ODAD2: variants seen among roughly 807,000 people sequenced by gnomAD.
ODAD2 encodes the protein outer dynein arm-docking complex subunit 2.
Under a neutral mutation model 106.8 loss-of-function variants are expected in ODAD2, and 89 were observed. The observed-to-expected ratio is 0.83, with a 90% CI of 0.70 to 0.99. The LOEUF is 0.99. Ranked by LOEUF, ODAD2 falls within the 50% of genes least tolerant of loss-of-function variation. The pLI is 0.00. For missense variants in ODAD2, 1,168 were observed against 1,238.5 expected (o/e 0.94, Z 0.85); for synonymous variants, 404 against 436.2 (o/e 0.93, Z 0.92).
At chr10:27,921,974 G>A (rs182734510) in intron 16 of ODAD2, among the ~76,000 whole-genome samples, 40 of 151,280 alleles carry the variant, frequency 2.6e-4, no homozygotes, top group Non-Finnish European at 4.1e-4. Flanking sequence ...CGAGACCCAC[G>A]TGGGCAACAT....
intron 19 of ODAD2, among the ~76,000 whole-genome samples, chr10:27,835,481 T>C (rs1003792768): frequency 3.3e-5 from 5 of 152,170 alleles, no homozygotes; most frequent in Non-Finnish European, 7.3e-5. Flanking sequence ...TCTCTCTCTG[T>C]ACAGTTGATG....
chr10:27,881,690 G>C (rs890967821), intron 17 of ODAD2, among the ~76,000 whole-genome samples: 3 of 152,030 alleles, frequency 2.0e-5, no homozygotes, highest in African/African-American at 4.8e-5. Context: ...ACTATTATTA[G>C]ATAATAATTC....
At chr10:27,859,532 C>G (rs1237038684) in intron 19 of ODAD2, among the ~76,000 whole-genome samples, 1 of 152,044 alleles carries the variant, frequency 6.6e-6, no homozygotes, top group African/African-American at 2.4e-5. Context: ...ATATGACTAA[C>G]TGGGGTTTTT....
chr10:27,822,485 C>T (rs1009201142), intron 19 of ODAD2, among the ~76,000 whole-genome samples: 4 of 152,110 alleles, frequency 2.6e-5, no homozygotes, highest in Admixed American at 6.5e-5. Context: ...ATTGCAGTGA[C>T]GTTGTAGCAC....
At position 27,936,778 on chromosome 10, in the gene ODAD2, C is replaced by T. The variant is rs201990903; in HGVS notation, c.2200G>A (p.Ala734Thr). Reference sequence around the variant, plus strand: ...CATTTCCATATAGCCCCTGTGACAGCAGCTAACCGCTCTTTATTGTCAGTG... The same window carrying T: ...CATTTCCATATAGCCCCTGTGACAGTAGCTAACCGCTCTTTATTGTCAGTG... ...NNTDNKERLA[A>T]VTGAIWKCSI... The change falls in exon 15 of 20, where the codon GCT becomes ACT. Residue 734 changes from alanine (A) to threonine (T), a missense_variant. By Grantham distance (58) the Ala-to-Thr change is moderately conservative. Coordinates refer to ENST00000305242, the MANE Select transcript of ODAD2 (RefSeq NM_018076.5). 2.2e-5 allele frequency: 35 copies of T among 1,613,932 alleles called. No homozygotes were observed. Among genetic ancestry groups the T allele is most frequent in the Non-Finnish European group, 2.7e-5 (32 of 1,179,954 alleles).
chr10:27,829,365 A>G (rs1290443087), intron 19 of ODAD2, among the ~76,000 whole-genome samples: 1 of 152,178 alleles, frequency 6.6e-6, no homozygotes, highest in East Asian at 1.9e-4. Context: ...TGGTCCAGTA[A>G]TTGCTTTTTT....
chr10:27,973,116 A>G (rs1848965033), intron 7 of ODAD2, among the ~76,000 whole-genome samples: 4 of 152,198 alleles, frequency 2.6e-5, no homozygotes, highest in African/African-American at 9.7e-5. Flanking sequence ...CTCCTCATAT[A>G]TATTGAATAA....
intron 17 of ODAD2, among the ~76,000 whole-genome samples, chr10:27,870,632 G>A (rs1421453276): frequency 6.6e-6 from 1 of 151,988 alleles, no homozygotes; most frequent in Non-Finnish European, 1.5e-5. Context: ...GCGATAGTTT[G>A]CTGAGAATGA....
At chr10:27,923,410 C>T (rs1240300789) in intron 16 of ODAD2, among the ~76,000 whole-genome samples, 2 of 152,084 alleles carry the variant, frequency 1.3e-5, no homozygotes, top group Non-Finnish European at 2.9e-5. Context: ...CAAAGAACAG[C>T]ACTTGAAATA....
At chr10:27,874,450 C>T (rs936102520) in intron 17 of ODAD2, among the ~76,000 whole-genome samples, 3 of 152,122 alleles carry the variant, frequency 2.0e-5, no homozygotes, top group South Asian at 2.1e-4. Context: ...TTCCTAGCAT[C>T]GATGGTCTTT....
At chr10:27,954,456 C>T (rs553603133) in intron 10 of ODAD2, among the ~76,000 whole-genome samples, 7 of 151,950 alleles carry the variant, frequency 4.6e-5, no homozygotes, top group Admixed American at 3.3e-4. Context: ...CATGCTCTAG[C>T]TGTGCTGGCT....
At chr10:27,894,646 G>A (rs1267665864) in intron 17 of ODAD2, among the ~76,000 whole-genome samples, 4 of 151,578 alleles carry the variant, frequency 2.6e-5, no homozygotes, top group African/African-American at 4.9e-5. Flanking sequence ...GCGCAATCAC[G>A]CCTCACTGAA....
intron 16 of ODAD2, among the ~76,000 whole-genome samples, chr10:27,925,713 A>G (rs760999814): frequency 6.6e-6 from 1 of 152,124 alleles, no homozygotes; most frequent in African/African-American, 2.4e-5. Context: ...AAATACATAC[A>G]CTTTAAACCT....
intron 10 of ODAD2, among the ~76,000 whole-genome samples, chr10:27,956,343 CTGG>C (rs1277793938): frequency 2.0e-5 from 3 of 152,312 alleles, no homozygotes; most frequent in African/African-American, 7.2e-5. Context: ...GGTACAGAAG[CTGG>C]CATCCCACAG....
intron 10 of ODAD2, among the ~76,000 whole-genome samples, chr10:27,945,935 C>T (rs1224854357): frequency 3.4e-5 from 5 of 146,716 alleles, no homozygotes; most frequent in Non-Finnish European, 5.9e-5. Context: ...AACATAGTAC[C>T]AATGTTTTAA....
chr10:27,911,815 A>G (rs1280951617), intron 16 of ODAD2, among the ~76,000 whole-genome samples: 2 of 151,992 alleles, frequency 1.3e-5, no homozygotes, highest in African/African-American at 2.4e-5. Context: ...TATCTCCCCA[A>G]TTACCATGTA....
At chr10:27,956,190 A>G (rs1353407509) in intron 10 of ODAD2, among the ~76,000 whole-genome samples, 2 of 152,130 alleles carry the variant, frequency 1.3e-5, no homozygotes, top group African/African-American at 2.4e-5. Flanking sequence ...CTTTCTACCA[A>G]TGTAACCCCA....
intron 7 of ODAD2, among the ~76,000 whole-genome samples, chr10:27,980,040 T>C (rs1236869644): frequency 2.6e-5 from 4 of 152,178 alleles, no homozygotes; most frequent in Admixed American, 6.5e-5. Context: ...CTATGATCAA[T>C]TGATTTTCAA....
In ODAD2 at chr10:27,923,998, GAAA is replaced by G. The variant is rs1564509031; in HGVS notation, c.2495+11009_2495+11011del. ...AGAAAGAAAGAAAGAAAGAAAGAAA[GAAA>G]GAAAGAAAGAAAGAAAGAAAGAAGG... On this transcript the variant is annotated intron_variant, in intron 16 of 19. Transcript: ENST00000305242. Among the ~76,000 whole-genome samples, 31 of 136,976 alleles carry G rather than the reference GAAA, an allele frequency of 2.3e-4. 1 individual carries two copies. The highest frequency in any genetic ancestry group is 7.0e-4 in the African/African-American group (25 of 35,832). 89.9% of individuals were successfully genotyped at this position (136,976 alleles called of 152,430 possible). A position where few individuals can be genotyped will look rare whatever the true frequency, so the allele number is the denominator to read the frequency against.
Sources: allele counts gnomAD v4.1 joint callset (sites outside exome capture counted in the v4.1 genomes callset), GRCh38; gene constraint gnomAD v4.1.1; transcripts MANE v1.5; gene names NCBI Gene and HGNC (gene_info 2026-07-23, HGNC 2026-07-21).